Variants in CSMD1 observed in about 807,000 individuals in gnomAD.
CSMD1 encodes the protein CUB and sushi domain-containing protein 1.
A neutral mutation model predicts 417.5 loss-of-function variants in CSMD1; 213 were observed. The observed-to-expected ratio is 0.51, with a 90% CI of 0.46 to 0.57. CSMD1 has a LOEUF of 0.57. Ranked by LOEUF, CSMD1 falls within the 20% of genes least tolerant of loss-of-function variation. The pLI, the probability that CSMD1 is intolerant of heterozygous loss-of-function variation, is 0.00. For missense variants in CSMD1, 6,923 were observed against 4,529.7 expected, an observed-to-expected ratio of 1.53 and a Z score of -15.17; for synonymous variants, 2,862 against 1,736.8, an observed-to-expected ratio of 1.65 and a Z score of -16.11.
chr8:4,045,185 G>C, intron 3 of CSMD1, among the ~76,000 whole-genome samples: 1 of 152,120 alleles, frequency 6.6e-6, no homozygotes, highest in Non-Finnish European at 1.5e-5. Context: ...GGGTGCTGAG[G>C]TACTCATCTC....
intron 26 of CSMD1, among the ~76,000 whole-genome samples, chr8:3,230,733 C>T (rs1798788028): frequency 1.3e-5 from 2 of 152,106 alleles, no homozygotes; most frequent in South Asian, 2.1e-4. Context: ...GAGTTATACC[C>T]AGGATCCCAT....
At chr8:4,527,871 T>C (rs922248925) in intron 2 of CSMD1, among the ~76,000 whole-genome samples, 10 of 152,206 alleles carry the variant, frequency 6.6e-5, no homozygotes, top group African/African-American at 1.7e-4. Flanking sequence ...CTTAGTTCTA[T>C]GAAATCAGAC....
At chr8:4,035,311 A>G (rs998971365) in intron 3 of CSMD1, among the ~76,000 whole-genome samples, 4 of 152,200 alleles carry the variant, frequency 2.6e-5, no homozygotes, top group Non-Finnish European at 4.4e-5. Flanking sequence ...ATGCTTGATG[A>G]TAATAGTGAA....
chr8:3,447,357 G>A (rs1165875926), intron 12 of CSMD1, among the ~76,000 whole-genome samples: 1 of 152,010 alleles, frequency 6.6e-6, no homozygotes, highest in Non-Finnish European at 1.5e-5. Flanking sequence ...TCAGAAAAAG[G>A]GAAAGGAATG....
chr8:4,366,208 G>C (rs1289545538), intron 3 of CSMD1, among the ~76,000 whole-genome samples: 2 of 151,678 alleles, frequency 1.3e-5, no homozygotes, highest in Non-Finnish European at 2.9e-5. Flanking sequence ...CTTCACTTAG[G>C]ATAATGGTCT....
intron 1 of CSMD1, among the ~76,000 whole-genome samples, chr8:4,850,419 G>A (rs1209448089): frequency 4.5e-5 from 2 of 44,528 alleles, no homozygotes; most frequent in Non-Finnish European, 8.3e-5. Flanking sequence ...CTTGCCTTTA[G>A]TAAAAAACAT....
At chr8:4,859,630 G>T (rs1458538744) in intron 1 of CSMD1, among the ~76,000 whole-genome samples, 1 of 152,024 alleles carries the variant, frequency 6.6e-6, no homozygotes, top group Non-Finnish European at 1.5e-5. Context: ...AAAAGAAGAC[G>T]TTTATACAGC....
intron 7 of CSMD1, among the ~76,000 whole-genome samples, chr8:3,617,595 C>G (rs959662107): frequency 6.6e-6 from 1 of 152,166 alleles, no homozygotes; most frequent in African/African-American, 2.4e-5. Context: ...AAGTGCATAT[C>G]TATTTTACTC....
At chr8:3,806,662 G>C (rs1383070935) in intron 5 of CSMD1, among the ~76,000 whole-genome samples, 5 of 152,200 alleles carry the variant, frequency 3.3e-5, no homozygotes, top group Non-Finnish European at 7.3e-5. Flanking sequence ...AATGCGTTGA[G>C]CACTTGAATA....
intron 12 of CSMD1, among the ~76,000 whole-genome samples, chr8:3,428,893 G>A (rs568147023): frequency 1.3e-5 from 2 of 152,310 alleles, no homozygotes; most frequent in South Asian, 2.1e-4. Context: ...GCAGCAACAC[G>A]GATGAGCCTG....
intron 1 of CSMD1, among the ~76,000 whole-genome samples, chr8:4,913,385 C>G (rs1805833806): frequency 6.6e-6 from 1 of 152,110 alleles, no homozygotes; most frequent in Non-Finnish European, 1.5e-5. Context: ...ATTGCTTTTT[C>G]TTGATTGTTT....
intron 3 of CSMD1, among the ~76,000 whole-genome samples, chr8:4,150,792 TG>T (rs1796528726): frequency 6.6e-6 from 1 of 152,184 alleles, no homozygotes; most frequent in South Asian, 2.1e-4. Flanking sequence ...ATGTGTAGTT[TG>T]CGCACTTGCA....
intron 42 of CSMD1, among the ~76,000 whole-genome samples, chr8:3,111,831 AAAT>A (rs113064194): frequency 5.3e-5 from 8 of 151,926 alleles, no homozygotes; most frequent in East Asian, 1.9e-4. Flanking sequence ...CTGTCTCTAA[AAAT>A]AATAATAATA....
chr8:4,412,838 G>A (rs1177496502), intron 3 of CSMD1, among the ~76,000 whole-genome samples: 2 of 152,046 alleles, frequency 1.3e-5, no homozygotes, highest in Non-Finnish European at 2.9e-5. Context: ...AAACCAAATT[G>A]TAATGGAAGA....
chr8:3,143,677 A>G (rs67147503), intron 40 of CSMD1, among the ~76,000 whole-genome samples: 41,345 of 152,076 alleles, frequency 0.27, 5,968 homozygotes, highest in South Asian at 0.46. Flanking sequence ...AACTAACAGC[A>G]GTTGTAGAGT....
intron 2 of CSMD1, among the ~76,000 whole-genome samples, chr8:4,578,270 C>T (rs930695422): frequency 1.3e-5 from 2 of 151,178 alleles, no homozygotes; most frequent in African/African-American, 4.9e-5. Context: ...ACGCCATTCT[C>T]CTGCCTCAGC....
intron 9 of CSMD1, among the ~76,000 whole-genome samples, chr8:3,581,347 C>T (rs1259273105): frequency 6.6e-6 from 1 of 152,158 alleles, no homozygotes; most frequent in East Asian, 1.9e-4. Flanking sequence ...AAGCGTAATT[C>T]CAAACAAAAT....
intron 1 of CSMD1, among the ~76,000 whole-genome samples, chr8:4,779,258 C>G (rs1314413812): frequency 1.3e-5 from 2 of 151,610 alleles, no homozygotes; most frequent in East Asian, 3.9e-4. Context: ...ATTGACATTA[C>G]TTCTGAATCC....
intron 1 of CSMD1, among the ~76,000 whole-genome samples, chr8:4,704,153 T>C (rs781397212): frequency 6.6e-6 from 1 of 152,202 alleles, no homozygotes; most frequent in East Asian, 1.9e-4. Flanking sequence ...TCTAGCTAAA[T>C]ACTCAAGCCC....
Sources: allele counts gnomAD v4.1 joint callset (sites outside exome capture counted in the v4.1 genomes callset), GRCh38; gene constraint gnomAD v4.1.1; transcripts MANE v1.5; gene names NCBI Gene and HGNC (gene_info 2026-07-23, HGNC 2026-07-21).